The following SDK1 variants were observed in gnomAD, a reference collection of about 807,000 sequenced individuals.
The protein encoded by SDK1 is sidekick cell adhesion molecule 1.
SDK1 carries 157 observed loss-of-function variants against 245.5 expected under a neutral mutation model. The ratio of observed to expected loss-of-function variants is 0.64; its 90% CI spans 0.56 to 0.73. The LOEUF is 0.73. Ranked by LOEUF, SDK1 falls within the 30% of genes least tolerant of loss-of-function variation. The pLI, the probability that SDK1 is intolerant of heterozygous loss-of-function variation, is 0.00. For synonymous variants in SDK1, 1,647 were observed against 1,278.5 expected (o/e 1.29, Z -6.15); for missense variants, 3,583 against 3,002.3 (o/e 1.19, Z -4.52).
intron 35 of SDK1, 25 bp downstream of exon 35, chr7:4,178,611 C>A (rs751277541): frequency 2.2e-5 from 34 of 1,556,324 alleles, no homozygotes; most frequent in Non-Finnish European, 2.9e-5. Flanking sequence ...CCCCCAACCC[C>A]ACTGCCAGAG....
chr7:3,744,699 C>A (rs1349023678), intron 4 of SDK1, among the ~76,000 whole-genome samples: 1 of 151,932 alleles, frequency 6.6e-6, no homozygotes, highest in Admixed American at 6.6e-5. Flanking sequence ...GTAGTCTCAG[C>A]TACTCGGGAG....
At chr7:3,659,574 A>G (rs1281472069) in intron 4 of SDK1, among the ~76,000 whole-genome samples, 1 of 152,134 alleles carries the variant, frequency 6.6e-6, no homozygotes, top group Non-Finnish European at 1.5e-5. Flanking sequence ...AGTGGCCCAA[A>G]GTGACGTCGG....
At chr7:4,125,481 GGATT>G (rs905481449) in intron 25 of SDK1, among the ~76,000 whole-genome samples, 11 of 142,154 alleles carry the variant, frequency 7.7e-5, no homozygotes, top group East Asian at 2.1e-4. Flanking sequence ...ATCACTGGAT[GGATT>G]GATTGATGGA....
chr7:3,416,258 A>T (rs548279204), intron 1 of SDK1, among the ~76,000 whole-genome samples: 1 of 152,228 alleles, frequency 6.6e-6, no homozygotes, highest in Non-Finnish European at 1.5e-5. Flanking sequence ...TTAGGAAGTC[A>T]TATTACTAAA....
chr7:3,581,281 A>G (rs1780479447), intron 1 of SDK1, among the ~76,000 whole-genome samples: 1 of 152,226 alleles, frequency 6.6e-6, no homozygotes, highest in Non-Finnish European at 1.5e-5. Context: ...ATCGAATATG[A>G]TAAATCAGTG....
At chr7:4,132,229 T>C (rs1784877192) in intron 27 of SDK1, 96 bp from the exon 28 acceptor site, 1 of 941,398 alleles carries the variant, frequency 1.1e-6, no homozygotes, top group Non-Finnish European at 1.7e-6. Context: ...CTGTGGTAGT[T>C]ACTGCAGCCA....
At chr7:3,826,345 C>G (rs1329726641) in intron 5 of SDK1, among the ~76,000 whole-genome samples, 1 of 152,188 alleles carries the variant, frequency 6.6e-6, no homozygotes, top group Non-Finnish European at 1.5e-5. Flanking sequence ...GCAATATGCA[C>G]TTTGTGAATG....
intron 19 of SDK1, among the ~76,000 whole-genome samples, chr7:4,062,572 A>G (rs920778853): frequency 3.9e-5 from 6 of 152,222 alleles, no homozygotes; most frequent in Non-Finnish European, 8.8e-5. Flanking sequence ...ATTCCAAAAA[A>G]TTAAAGAAGA....
At chr7:3,321,110 C>G (rs1244192702) in intron 1 of SDK1, among the ~76,000 whole-genome samples, 1 of 152,106 alleles carries the variant, frequency 6.6e-6, no homozygotes, top group East Asian at 1.9e-4. Context: ...ACTGAAGGCT[C>G]TTGAAATGAA....
chr7:3,432,670 C>G (rs762412742), intron 1 of SDK1, among the ~76,000 whole-genome samples: 2 of 152,150 alleles, frequency 1.3e-5, no homozygotes, highest in African/African-American at 2.4e-5. Flanking sequence ...GGTTTGCTGT[C>G]TTCCCAGTGT....
intron 4 of SDK1, among the ~76,000 whole-genome samples, chr7:3,753,268 T>C (rs371701362): frequency 7.9e-5 from 12 of 152,322 alleles, no homozygotes; most frequent in African/African-American, 2.6e-4. Context: ...TATTTTTGAA[T>C]TTCCCTGGAA....
intron 5 of SDK1, among the ~76,000 whole-genome samples, chr7:3,882,276 C>G (rs1372247291): frequency 6.6e-6 from 1 of 152,118 alleles, no homozygotes; most frequent in East Asian, 1.9e-4. Flanking sequence ...ACAGCCCAAC[C>G]ATATCACCAG....
chr7:3,642,014 G>A lies in SDK1; in HGVS notation c.622G>A (p.Ala208Thr), dbSNP rs761049885. 1.2e-6 allele frequency: 2 copies of A among 1,614,058 alleles called. No individual in the cohort carries two copies. The highest frequency in any genetic ancestry group is 3.3e-5 in the Admixed American group (2 of 60,024). ...QRKTVSQGRA[A>T]ILNLLPITSY... ...GAAAACAGTTTCTCAAGGACGTGCA[G>A]CGATTCTAAACCTGCTGCCCATCAC... Residue 208 changes from alanine to threonine, a missense_variant, in exon 4 of 45, where the codon GCG (alanine) becomes ACG (threonine). Ala to Thr is a moderately conservative substitution (Grantham distance 58). Coordinates refer to ENST00000404826, the MANE Select transcript of SDK1 (RefSeq NM_152744.4).
At chr7:3,709,130 C>T (rs1330012310) in intron 4 of SDK1, among the ~76,000 whole-genome samples, 2 of 152,118 alleles carry the variant, frequency 1.3e-5, no homozygotes, top group African/African-American at 4.8e-5. Context: ...GTAGGGCTGG[C>T]CTGGTAGTGA....
chr7:3,931,874 A>G (rs960936725), intron 5 of SDK1, among the ~76,000 whole-genome samples: 3 of 152,238 alleles, frequency 2.0e-5, no homozygotes, highest in African/African-American at 7.2e-5. Context: ...AGAAGTGCCT[A>G]TTGTAATTGA....
chr7:3,891,687 G>A (rs1781463857), intron 5 of SDK1, among the ~76,000 whole-genome samples: 1 of 152,124 alleles, frequency 6.6e-6, no homozygotes, highest in South Asian at 2.1e-4. Context: ...GCCATTTTGT[G>A]CAGTTGAAAG....
At chr7:3,435,854 T>C (rs917792389) in intron 1 of SDK1, among the ~76,000 whole-genome samples, 14 of 152,196 alleles carry the variant, frequency 9.2e-5, no homozygotes, top group African/African-American at 1.9e-4. Context: ...CTCAAACTTA[T>C]ATTTCCAGCC....
intron 1 of SDK1, among the ~76,000 whole-genome samples, chr7:3,569,455 A>G (rs1026687399): frequency 6.6e-6 from 1 of 152,252 alleles, no homozygotes; most frequent in African/African-American, 2.4e-5. Flanking sequence ...ATTTCTCTTG[A>G]GAAGTCTGGA....
chr7:3,796,946 A>G (rs143115063), intron 4 of SDK1, among the ~76,000 whole-genome samples: 3 of 152,162 alleles, frequency 2.0e-5, no homozygotes, highest in African/African-American at 4.8e-5. Context: ...TATTTTAGAT[A>G]CACATAAATG....
Sources: gnomAD v4.1 joint callset for allele counts (sites outside exome capture counted in the v4.1 genomes callset) on GRCh38, gnomAD v4.1.1 for gene constraint, MANE v1.5 for transcripts, NCBI Gene and HGNC (gene_info 2026-07-23, HGNC 2026-07-21) for gene names.